N4BP2L1: variants seen among roughly 807,000 people sequenced by gnomAD.
N4BP2L1 encodes the protein NEDD4-binding protein 2-like 1.
N4BP2L1 carries 12 observed loss-of-function variants against 21.2 expected under a neutral mutation model. The ratio of observed to expected loss-of-function variants is 0.57; its 90% CI spans 0.36 to 0.92. N4BP2L1 has a LOEUF of 0.92. N4BP2L1 is among the 40% of genes least tolerant of loss of function. The pLI is 0.01. For missense variants in N4BP2L1, 259 were observed against 310.6 expected (o/e 0.83, Z 1.25); for synonymous variants, 104 against 112.8 (o/e 0.92, Z 0.49).
At chr13:32,426,418 C>G (rs534779514) in intron 1 of N4BP2L1, among the ~76,000 whole-genome samples, 14 of 152,232 alleles carry the variant, frequency 9.2e-5, no homozygotes, top group Middle Eastern at 3.4e-3. Flanking sequence ...CTGTCCTCCA[C>G]CTCCCCTCCC....
chr13:32,409,423 T>G (rs924818154), intron 1 of N4BP2L1, among the ~76,000 whole-genome samples: 4 of 152,226 alleles, frequency 2.6e-5, no homozygotes, highest in African/African-American at 9.6e-5. Flanking sequence ...ACAGTCTCCC[T>G]TGGTAGCTTT....
intron 1 of N4BP2L1, among the ~76,000 whole-genome samples, chr13:32,426,691 C>A (rs2074785509): frequency 6.6e-6 from 1 of 152,196 alleles, no homozygotes; most frequent in Non-Finnish European, 1.5e-5. Context: ...CTAGCCTTAT[C>A]TCTCCAGTGA....
intron 1 of N4BP2L1, chr13:32,419,567 C>A: frequency 3.8e-6 from 1 of 260,672 alleles, no homozygotes. Flanking sequence ...CCACTGCGCC[C>A]GGCTGATCTG....
Position 32,402,261 on chromosome 13 carries a change from G to T in N4BP2L1, c.*681C>A. The T allele has an allele frequency of 1.3e-6, 1 of 791,518 alleles. No individual in the cohort carries two copies. Among genetic ancestry groups the T allele is most frequent in the Non-Finnish European group, 1.5e-6 (1 of 653,224 alleles). 49.0% of individuals were successfully genotyped at this position (791,518 alleles called of 1,614,324 possible). Reference sequence around the variant, plus strand: ...ATAAAGTAGTAAAAACACAAGGCGTGACTTTAAATAATGACACTGATTTCC... The same window carrying T: ...ATAAAGTAGTAAAAACACAAGGCGTTACTTTAAATAATGACACTGATTTCC... On this transcript the variant is annotated 3_prime_UTR_variant, in exon 5 of 5. Transcript: ENST00000380130.
At chr13:32,411,324 ATT>A (rs3072043) in intron 1 of N4BP2L1, among the ~76,000 whole-genome samples, 4,442 of 140,926 alleles carry the variant, frequency 0.032, 96 homozygotes, top group African/African-American at 0.053. Flanking sequence ...AAGGCCAAGG[ATT>A]TTTTTTTTTT....
intron 1 of N4BP2L1, among the ~76,000 whole-genome samples, chr13:32,412,146 C>G (rs2073893906): frequency 6.6e-6 from 1 of 151,874 alleles, no homozygotes; most frequent in Non-Finnish European, 1.5e-5. Context: ...ATAGTTTGCC[C>G]TCTCCTTTTT....
chr13:32,418,020 CA>C (rs2074247240), intron 1 of N4BP2L1, among the ~76,000 whole-genome samples: 1 of 152,240 alleles, frequency 6.6e-6, no homozygotes, highest in Non-Finnish European at 1.5e-5. Flanking sequence ...GCCCCATTTT[CA>C]GGTGAGAAAT....
At chr13:32,404,921 C>A (rs1005057771) in intron 3 of N4BP2L1, among the ~76,000 whole-genome samples, 5 of 152,116 alleles carry the variant, frequency 3.3e-5, no homozygotes, top group African/African-American at 1.2e-4. Context: ...CTCTGGGCCC[C>A]ATTTCCTTGA....
intron 4 of N4BP2L1, 199 bp downstream of exon 4, chr13:32,404,122 T>C (rs1487595122): frequency 6.3e-7 from 1 of 1,583,500 alleles, no homozygotes; most frequent in African/African-American, 1.4e-5. Flanking sequence ...AGATTTAGCA[T>C]TTAGCATTAT....
At chr13:32,422,088 A>G (rs534085615) in intron 1 of N4BP2L1, among the ~76,000 whole-genome samples, 1 of 152,338 alleles carries the variant, frequency 6.6e-6, no homozygotes, top group South Asian at 2.1e-4. Flanking sequence ...GTATTTAAAA[A>G]TCTAAATCTC....
intron 1 of N4BP2L1, chr13:32,411,532 C>T (rs1593257128): frequency 2.0e-6 from 2 of 985,316 alleles, no homozygotes; most frequent in Non-Finnish European, 2.4e-6. Flanking sequence ...AAATACCATT[C>T]CATCAGCTTC....
rs1443957401 is a variant in N4BP2L1 at position 32,402,417 on chromosome 13, A to T, written c.*525T>A. ...TTCCCTTAGATGTATGCTTTCTGGC[A>T]TATTAACATTAAAGGAAAATCAGTA... On this transcript the variant is annotated 3_prime_UTR_variant, in exon 5 of 5. Transcript: ENST00000380130. 1.1e-6 allele frequency: 1 copy of T among 880,350 alleles called. No homozygotes were observed. The highest frequency in any genetic ancestry group is 1.2e-4 in the East Asian group (1 of 8,234). 54.5% of individuals were successfully genotyped at this position (880,350 alleles called of 1,614,324 possible). A position where few individuals can be genotyped will look rare whatever the true frequency, so the allele number is the denominator to read the frequency against.
At chr13:32,407,485 T>C (rs2073592057) in intron 2 of N4BP2L1, 147 bp from the exon 3 acceptor site, 3 of 1,575,540 alleles carry the variant, frequency 1.9e-6, no homozygotes, top group Admixed American at 1.8e-5. Flanking sequence ...TAATTTTCTT[T>C]CTCTGGAATC....
intron 4 of N4BP2L1, among the ~76,000 whole-genome samples, chr13:32,403,474 A>G (rs753993903): frequency 6.6e-6 from 1 of 152,190 alleles, no homozygotes; most frequent in Non-Finnish European, 1.5e-5. Flanking sequence ...GTGCTTCAAG[A>G]CATAAAAGAA....
At chr13:32,417,103 C>G (rs2137894114) in intron 1 of N4BP2L1, among the ~76,000 whole-genome samples, 1 of 152,344 alleles carries the variant, frequency 6.6e-6, no homozygotes, top group South Asian at 2.1e-4. Context: ...GCTTGAGCCA[C>G]CAGGCCCAGC....
chr13:32,427,618 C>G (rs2074860044), intron 1 of N4BP2L1, among the ~76,000 whole-genome samples: 1 of 152,068 alleles, frequency 6.6e-6, no homozygotes, highest in Admixed American at 6.5e-5. Flanking sequence ...GGAATCCGTC[C>G]CCCCCGGGAC....
Position 32,401,830 on chromosome 13 carries a change from G to T in N4BP2L1, c.*1112C>A. 3.0e-6 allele frequency: 2 copies of T among 658,550 alleles called. No homozygotes were observed. The highest frequency in any genetic ancestry group is 3.8e-6 in the Non-Finnish European group (2 of 531,200). 40.8% of individuals were successfully genotyped at this position (658,550 alleles called of 1,614,324 possible). On this transcript the variant is annotated 3_prime_UTR_variant, in exon 5 of 5. Coordinates refer to ENST00000380130, the MANE Select transcript of N4BP2L1 (RefSeq NM_052818.3). ...ACAGAACATTAGAAAGAAGCTGTTG[G>T]CCAACAAGAAATAGAGCATACGTCC... is the stretch of plus-strand genomic sequence containing the variant.
At chr13:32,428,340 G>A (rs1479323031), upstream of N4BP2L1, 1 of 330,882 alleles carries the variant, frequency 3.0e-6, no homozygotes, top group African/African-American at 2.1e-5. Flanking sequence ...CCCCCGCTCC[G>A]CCTCCTGGTG....
chr13:32,409,078 C>T (rs1052552731), intron 1 of N4BP2L1, among the ~76,000 whole-genome samples: 10 of 152,168 alleles, frequency 6.6e-5, no homozygotes, highest in African/African-American at 2.4e-4. Flanking sequence ...AACAATGAGG[C>T]CAAATTGACC....
Sources: gnomAD v4.1 joint callset for allele counts (sites outside exome capture counted in the v4.1 genomes callset) on GRCh38, gnomAD v4.1.1 for gene constraint, MANE v1.5 for transcripts, NCBI Gene and HGNC (gene_info 2026-07-23, HGNC 2026-07-21) for gene names.